Variants in GALNTL6 observed in about 807,000 individuals in gnomAD.
GALNTL6 encodes the protein polypeptide N-acetylgalactosaminyltransferase-like 6.
In GALNTL6, 46 loss-of-function variants were observed where a neutral mutation model predicts 73.7. The ratio of observed to expected loss-of-function variants is 0.62; its 90% CI spans 0.49 to 0.80. GALNTL6 has a LOEUF of 0.80. Ranked by LOEUF, GALNTL6 falls within the 30% of genes least tolerant of loss-of-function variation. GALNTL6 has a pLI of 0.00. For synonymous variants in GALNTL6, 259 were observed against 263.7 expected, an observed-to-expected ratio of 0.98 and a Z score of 0.17; for missense variants, 604 against 755.0, an observed-to-expected ratio of 0.80 and a Z score of 2.34.
chr4:172,726,989 G>A (rs1186945379), intron 5 of GALNTL6, among the ~76,000 whole-genome samples: 1 of 152,090 alleles, frequency 6.6e-6, no homozygotes, highest in African/African-American at 2.4e-5. Context: ...ACTCTCAAAG[G>A]CGAAAGACAT....
At chr4:172,343,303 A>G (rs1369143274) in intron 4 of GALNTL6, among the ~76,000 whole-genome samples, 1 of 152,218 alleles carries the variant, frequency 6.6e-6, no homozygotes, top group Non-Finnish European at 1.5e-5. Context: ...CAAAATACAC[A>G]ACAATAGGCA....
In GALNTL6 at chr4:172,217,467, A is replaced by G. The variant is rs115442780; in HGVS notation, c.139-12189A>G. Among the ~76,000 whole-genome samples the G allele has an allele frequency of 8.8e-3, 1,346 of 152,264 alleles. 24 individuals are homozygous for G. The highest frequency in any genetic ancestry group is 0.031 in the African/African-American group (1,282 of 41,554). Reference sequence around the variant, plus strand: ...TCAGAGCTAGTCTTCAATTTCTTCTATTTTAATTTTAGCTTAAGGAAGTTC... The same window carrying G: ...TCAGAGCTAGTCTTCAATTTCTTCTGTTTTAATTTTAGCTTAAGGAAGTTC... On this transcript the variant is annotated intron_variant, in intron 2 of 12. Coordinates refer to ENST00000506823, the MANE Select transcript of GALNTL6 (RefSeq NM_001034845.3).
In GALNTL6 at chr4:171,911,489, T is replaced by A. The variant is rs540073227; in HGVS notation, c.138+96771T>A. Among the ~76,000 whole-genome samples the A allele has an allele frequency of 2.6e-5, 4 of 152,286 alleles. No individual in the cohort carries two copies. The South Asian group carries it at 6.2e-4, about 24-fold the overall frequency. On this transcript the variant is annotated intron_variant, in intron 2 of 12. Coordinates refer to ENST00000506823, the MANE Select transcript of GALNTL6 (RefSeq NM_001034845.3). ...TTTCTTGGAGTATCATGAACTAAGA[T>A]TCCCTTCAGTCCTCATCCTGAAGAA...
At chr4:172,492,633 C>T (rs338002) in intron 5 of GALNTL6, among the ~76,000 whole-genome samples, 150,865 of 152,260 alleles carry the variant, frequency 0.99, 74,761 homozygotes, top group Middle Eastern at 1. Context: ...AAAACTTTGT[C>T]TTTATTTCTA....
At chr4:172,285,430 T>G (rs1739212001) in intron 3 of GALNTL6, among the ~76,000 whole-genome samples, 1 of 152,178 alleles carries the variant, frequency 6.6e-6, no homozygotes, top group African/African-American at 2.4e-5. Flanking sequence ...TAATGCTTTC[T>G]CCTTTCAAAG....
intron 2 of GALNTL6, among the ~76,000 whole-genome samples, chr4:171,894,431 A>G (rs1233265563): frequency 6.6e-6 from 1 of 152,228 alleles, no homozygotes; most frequent in Non-Finnish European, 1.5e-5. Context: ...CCTTTTAGTA[A>G]TTGCACAAGA....
intron 3 of GALNTL6, among the ~76,000 whole-genome samples, chr4:172,276,489 A>G (rs981317805): frequency 3.0e-4 from 46 of 152,338 alleles, no homozygotes; most frequent in African/African-American, 1.0e-3. Context: ...CATCAATGAT[A>G]TGATGCCATG....
rs538530051 is a variant in GALNTL6, at chr4:172,973,861, C to T, written c.1371+21603C>T. On this transcript the variant is annotated intron_variant, in intron 10 of 12. Transcript: ENST00000506823. ...GTATTAGGAGTGAAAGGACATGCTG[C>T]ATGGTATTGACTTCGAAACGCTCCA... 3.9e-5 allele frequency among the ~76,000 whole-genome samples: 6 copies of T among 152,254 alleles called. No homozygotes were observed. In the South Asian group the frequency reaches 1.2e-3, roughly 32 times the overall value.
chr4:172,891,345 G>A (rs1484192513), intron 8 of GALNTL6, among the ~76,000 whole-genome samples: 5 of 152,006 alleles, frequency 3.3e-5, no homozygotes, highest in African/African-American at 7.2e-5. Flanking sequence ...AACATCTTTT[G>A]TAAGGCAGGT....
chr4:172,978,730 CAT>C (rs1750942665), intron 10 of GALNTL6, among the ~76,000 whole-genome samples: 1 of 152,202 alleles, frequency 6.6e-6, no homozygotes, highest in Admixed American at 6.5e-5. Flanking sequence ...ATTCTACAAA[CAT>C]ATATTGAGCT....
intron 4 of GALNTL6, among the ~76,000 whole-genome samples, chr4:172,320,410 T>A (rs1228876354): frequency 6.6e-6 from 1 of 152,136 alleles, no homozygotes; most frequent in Non-Finnish European, 1.5e-5. Flanking sequence ...GCACAAAACA[T>A]ATAGCACCAA....
intron 2 of GALNTL6, among the ~76,000 whole-genome samples, chr4:171,875,291 G>T (rs1403099083): frequency 6.6e-6 from 1 of 152,160 alleles, no homozygotes; most frequent in Admixed American, 6.5e-5. Context: ...AGAGAGGAAT[G>T]GACTGACCGG....
chr4:172,533,987 G>A (rs1327693814), intron 5 of GALNTL6, among the ~76,000 whole-genome samples: 1 of 152,172 alleles, frequency 6.6e-6, no homozygotes. Flanking sequence ...GAATTTAAAT[G>A]TAATTAGTTT....
At chr4:171,944,818 A>C (rs2111020050) in intron 2 of GALNTL6, among the ~76,000 whole-genome samples, 1 of 152,140 alleles carries the variant, frequency 6.6e-6, no homozygotes, top group East Asian at 1.9e-4. Flanking sequence ...ATACTTAAAA[A>C]AAAAATCTCA....
chr4:171,930,603 G>A (rs554075056), intron 2 of GALNTL6, among the ~76,000 whole-genome samples: 3 of 152,138 alleles, frequency 2.0e-5, no homozygotes, highest in African/African-American at 7.2e-5. Flanking sequence ...GGGAGGCCGA[G>A]GTGGGCAGAT....
chr4:172,049,713 G>C (rs574695416), intron 2 of GALNTL6, among the ~76,000 whole-genome samples: 1 of 152,156 alleles, frequency 6.6e-6, no homozygotes, highest in South Asian at 2.1e-4. Context: ...GCCTGGCGCA[G>C]CGGCTCATGC....
intron 10 of GALNTL6, among the ~76,000 whole-genome samples, chr4:172,984,905 T>C (rs1038694286): frequency 6.6e-6 from 1 of 152,232 alleles, no homozygotes; most frequent in Non-Finnish European, 1.5e-5. Context: ...CAACAGTGGA[T>C]ACTAATGGGA....
chr4:172,760,279 C>T (rs1261181208), intron 5 of GALNTL6, among the ~76,000 whole-genome samples: 1 of 152,146 alleles, frequency 6.6e-6, no homozygotes, highest in Admixed American at 6.5e-5. Context: ...TTGTGGGTCT[C>T]AGCTTTAGGA....
chr4:172,918,959 A>G (rs1009509710), intron 8 of GALNTL6, among the ~76,000 whole-genome samples: 16 of 152,306 alleles, frequency 1.1e-4, no homozygotes, highest in Non-Finnish European at 1.5e-4. Context: ...TGGTGAAAAC[A>G]TCTTCATATT....
Sources: gnomAD v4.1 joint callset for allele counts (sites outside exome capture counted in the v4.1 genomes callset) on GRCh38, gnomAD v4.1.1 for gene constraint, MANE v1.5 for transcripts, NCBI Gene and HGNC (gene_info 2026-07-23, HGNC 2026-07-21) for gene names.